Variants in NRXN3 observed in about 807,000 individuals in gnomAD.
The protein encoded by NRXN3 is neurexin 3.
A neutral mutation model predicts 137.6 loss-of-function variants in NRXN3; 32 were observed. That is an observed-to-expected ratio of 0.23 (90% CI 0.18 to 0.31). NRXN3 has a LOEUF of 0.31. Ranked by LOEUF, NRXN3 falls within the 10% of genes least tolerant of loss-of-function variation. The pLI, the probability that NRXN3 is intolerant of heterozygous loss-of-function variation, is 1.00. For missense variants in NRXN3, 1,574 were observed against 2,062.5 expected (o/e 0.76, Z 4.59); for synonymous variants, 798 against 784.5 (o/e 1.02, Z -0.29).
intron 4 of NRXN3, among the ~76,000 whole-genome samples, chr14:78,309,292 G>GTT (rs67568638): frequency 2.8e-4 from 42 of 147,888 alleles, no homozygotes; most frequent in African/African-American, 3.0e-4. Flanking sequence ...CGCTAATAAT[G>GTT]TTTTTTTTTT....
intron 15 of NRXN3, among the ~76,000 whole-genome samples, chr14:79,455,762 GT>G (rs1040557575): frequency 6.6e-6 from 1 of 151,360 alleles, no homozygotes; most frequent in South Asian, 2.1e-4. Flanking sequence ...TTTTATTTCT[GT>G]TTTTTTAGAG....
At chr14:78,979,703 T>A (rs2099484089) in intron 14 of NRXN3, among the ~76,000 whole-genome samples, 1 of 152,296 alleles carries the variant, frequency 6.6e-6, no homozygotes, top group South Asian at 2.1e-4. Context: ...AAAAAGAGAC[T>A]TAATGTACTC....
chr14:79,363,882 T>A (rs2093779181), intron 15 of NRXN3, among the ~76,000 whole-genome samples: 1 of 152,208 alleles, frequency 6.6e-6, no homozygotes, highest in Non-Finnish European at 1.5e-5. Context: ...CAGGTTTATC[T>A]CTGTTGATAA....
At chr14:79,366,161 T>A (rs557364298) in intron 15 of NRXN3, among the ~76,000 whole-genome samples, 3 of 152,268 alleles carry the variant, frequency 2.0e-5, no homozygotes, top group Admixed American at 6.5e-5. Context: ...CTTACTTTTT[T>A]AAAAATTTAA....
Position 79,667,405 on chromosome 14 carries a change from A to G in NRXN3, c.3616+3456A>G, listed in dbSNP as rs367568863. 7.2e-5 allele frequency among the ~76,000 whole-genome samples: 11 copies of G among 152,142 alleles called. No homozygotes were observed. The East Asian group carries it at 2.1e-3, about 30-fold the overall frequency. On this transcript the variant is annotated intron_variant, in intron 17 of 20. Coordinates refer to ENST00000335750, the MANE Select transcript of NRXN3 (RefSeq NM_001330195.2). ...TGCTCTCGGGGAATTGTTCCTGCCT[A>G]CAAGGTCTGAATGAGTCAGCTGTGC... is the stretch of plus-strand genomic sequence containing the variant.
rs2152847964 is a variant in NRXN3 at position 78,714,859 on chromosome 14, C to A, written c.1764C>A (p.Asn588Lys). The change falls in exon 8 of 21, where the codon AAC becomes AAA. Residue 588 changes from asparagine (N) to lysine (K), a missense_variant. This residue lies in a region of NRXN3 where 718 missense variants were observed against 887.6 expected (regional missense o/e 0.81). Transcript: ENST00000335750. ...GDMYLGGLPE[N>K]RAGLILPTEL... ...TGTACCTGGGAGGGCTGCCGGAGAA[C>A]CGTGCTGGCCTTATTCTCCCCACCG... The A allele has an allele frequency of 6.2e-7, 1 of 1,614,170 alleles. No individual in the cohort carries two copies. The highest frequency in any genetic ancestry group is 1.7e-5 in the Admixed American group (1 of 60,028).
chr14:79,261,334 C>T (rs956035131), intron 15 of NRXN3, among the ~76,000 whole-genome samples: 15 of 152,038 alleles, frequency 9.9e-5, no homozygotes, highest in African/African-American at 2.4e-4. Context: ...TCTCCACAGG[C>T]GAGATCTCCT....
intron 15 of NRXN3, among the ~76,000 whole-genome samples, chr14:79,277,467 G>A (rs942878748): frequency 5.9e-5 from 9 of 152,134 alleles, no homozygotes; most frequent in African/African-American, 1.9e-4. Flanking sequence ...GGCTTTTCTA[G>A]CAATAATAGC....
chr14:78,721,852 T>G (rs1166401174), intron 8 of NRXN3, among the ~76,000 whole-genome samples: 3 of 152,090 alleles, frequency 2.0e-5, no homozygotes, highest in African/African-American at 7.2e-5. Context: ...CTTTTTTTTT[T>G]GTTTGTTTTT....
At chr14:79,332,806 A>C (rs957446763) in intron 15 of NRXN3, among the ~76,000 whole-genome samples, 2 of 152,202 alleles carry the variant, frequency 1.3e-5, no homozygotes, top group African/African-American at 4.8e-5. Context: ...TCTGGAACAT[A>C]GGGTTCCACT....
intron 16 of NRXN3, among the ~76,000 whole-genome samples, chr14:79,484,277 T>TGTATTG (rs777682571): frequency 1.3e-5 from 2 of 152,194 alleles, no homozygotes; most frequent in African/African-American, 2.4e-5. Context: ...AGAAGTTAAC[T>TGTATTG]CACTTCATCT....
chr14:79,599,135 A>C (rs191382749), intron 16 of NRXN3, among the ~76,000 whole-genome samples: 1 of 152,234 alleles, frequency 6.6e-6, no homozygotes, highest in East Asian at 1.9e-4. Context: ...TCATTTCCCA[A>C]CCTCCAATTT....
intron 16 of NRXN3, among the ~76,000 whole-genome samples, chr14:79,512,327 C>T (rs1379199962): frequency 6.6e-6 from 1 of 152,144 alleles, no homozygotes; most frequent in Non-Finnish European, 1.5e-5. Context: ...CCTAATGTGT[C>T]CAATCTCCTG....
intron 15 of NRXN3, among the ~76,000 whole-genome samples, chr14:79,030,830 A>G (rs2099607223): frequency 6.6e-6 from 1 of 151,020 alleles, no homozygotes; most frequent in Non-Finnish European, 1.5e-5. Context: ...TTTGGTGTTT[A>G]TCTCCCCAGT....
At chr14:79,199,973 G>A (rs2065732055) in intron 15 of NRXN3, 2 of 152,186 alleles carry the variant, frequency 1.3e-5, no homozygotes, top group Non-Finnish European at 2.9e-5. Flanking sequence ...AGAAAGACGT[G>A]TGCTATATAA....
intron 1 of NRXN3, among the ~76,000 whole-genome samples, chr14:78,229,009 A>G (rs1298373988): frequency 1.3e-5 from 2 of 152,236 alleles, no homozygotes; most frequent in Non-Finnish European, 2.9e-5. Flanking sequence ...AATCTGTTCA[A>G]GAATTTTTTT....
At chr14:78,177,129 C>A (rs73316371) in intron 1 of NRXN3, among the ~76,000 whole-genome samples, 2 of 152,170 alleles carry the variant, frequency 1.3e-5, no homozygotes, top group African/African-American at 4.8e-5. Flanking sequence ...CAGCTGGTAT[C>A]TGGATGCTGA....
rs779909725 is a variant in NRXN3 at position 78,673,539 on chromosome 14, C to T, written c.1221+22213C>T. 1.2e-4 allele frequency among the ~76,000 whole-genome samples: 19 copies of T among 152,288 alleles called. No homozygotes were observed. In the Middle Eastern group the frequency reaches 0.01, roughly 82 times the overall value. On this transcript the variant is annotated intron_variant, in intron 6 of 20. Coordinates refer to ENST00000335750, the MANE Select transcript of NRXN3 (RefSeq NM_001330195.2). ...ATAAAGACAGATTCCCAGATGTCTC[C>T]GTCAGTTCAGGCTGCCCTAACAGAA...
At chr14:79,560,503 G>GTTTTTTTTTTTTTT (rs1567504638) in intron 16 of NRXN3, among the ~76,000 whole-genome samples, 2 of 39,568 alleles carry the variant, frequency 5.1e-5, no homozygotes, top group African/African-American at 7.4e-5. Context: ...AAGATTGTAA[G>GTTTTTTTTTTTTTT]CTTTTTTTTT....
Sources: gnomAD v4.1 joint callset for allele counts (sites outside exome capture counted in the v4.1 genomes callset) on GRCh38, gnomAD v4.1.1 for gene constraint, gnomAD v4.1.1 regional missense constraint, MANE v1.5 for transcripts, NCBI Gene and HGNC (gene_info 2026-07-23, HGNC 2026-07-21) for gene names.